CERS6: variants seen among roughly 807,000 people sequenced by gnomAD.
CERS6 encodes ceramide synthase 6, also known as LAG1 homolog, ceramide synthase 6.
In CERS6, 26 loss-of-function variants were observed where a neutral mutation model predicts 56.8. That is an observed-to-expected ratio of 0.46 (90% CI 0.34 to 0.63). The LOEUF (loss-of-function observed/expected upper bound fraction) is 0.63. Ranked by LOEUF, CERS6 falls within the 30% of genes least tolerant of loss-of-function variation. The pLI is 0.01. For synonymous variants in CERS6, 164 were observed against 173.3 expected (o/e 0.95, Z 0.42); for missense variants, 415 against 467.5 (o/e 0.89, Z 1.04).
intron 1 of CERS6, among the ~76,000 whole-genome samples, chr2:168,527,047 A>G (rs1695084375): frequency 6.6e-6 from 1 of 152,188 alleles, no homozygotes; most frequent in Non-Finnish European, 1.5e-5. Context: ...CTCTAAAACC[A>G]TGTTTCTCCT....
rs912387458 is a variant in CERS6 at position 168,456,656 on chromosome 2, G to T, written c.170+38G>T. The T allele has an allele frequency of 3.1e-6, 5 of 1,588,570 alleles. No individual in the cohort carries two copies. The African/African-American group carries it at 6.8e-5, about 22-fold the overall frequency. ...GAAGCCCCTCCTCCCCTCCCCCTGC[G>T]CACACACACGCGCGCACACACTCGC... On this transcript the variant is annotated intron_variant, in intron 1 of 9. Transcript: ENST00000305747. The surrounding 1 kb of genome is among the most constrained non-coding windows in gnomAD (Gnocchi z 4.1).
intron 3 of CERS6, among the ~76,000 whole-genome samples, chr2:168,582,200 C>T (rs552741909): frequency 6.6e-5 from 10 of 152,250 alleles, no homozygotes; most frequent in African/African-American, 2.4e-4. Flanking sequence ...ATCTTGGGGT[C>T]CCAGCTTAAT....
intron 6 of CERS6, among the ~76,000 whole-genome samples, chr2:168,708,344 C>G (rs529102506): frequency 3.3e-5 from 5 of 152,138 alleles, no homozygotes; most frequent in African/African-American, 1.2e-4. Context: ...AGAAAAATCA[C>G]AAGAGAGAAA....
intron 4 of CERS6, among the ~76,000 whole-genome samples, chr2:168,641,306 C>G (rs1045844264): frequency 2.0e-5 from 3 of 152,006 alleles, no homozygotes; most frequent in African/African-American, 7.3e-5. Context: ...ATCAGTTTAA[C>G]CGATTTGTTC....
chr2:168,602,191 A>C (rs1392644030), intron 3 of CERS6, among the ~76,000 whole-genome samples: 1 of 152,208 alleles, frequency 6.6e-6, no homozygotes, highest in Non-Finnish European at 1.5e-5. Flanking sequence ...TCTCTCTTTT[A>C]GAAGATGTAA....
chr2:168,543,449 TTATG>T (rs1318968824), intron 1 of CERS6, among the ~76,000 whole-genome samples: 2 of 151,386 alleles, frequency 1.3e-5, no homozygotes, highest in African/African-American at 4.9e-5. Context: ...GTGAACTTAT[TTATG>T]TTAGAACTGG....
At position 168,621,968 on chromosome 2, in the gene CERS6, G is replaced by A. The variant is rs114268452; in HGVS notation, c.408-9017G>A. On this transcript the variant is annotated intron_variant, in intron 3 of 9. Transcript: ENST00000305747. ...TCTAAGTATGAGAGAAGGCAAAGAC[G>A]TAGTCATTTAATACATTCTGAGTGA... 2.7e-3 allele frequency among the ~76,000 whole-genome samples: 408 copies of A among 152,302 alleles called. 3 individuals carry two copies. Among genetic ancestry groups the A allele is most frequent in the African/African-American group, 8.5e-3 (353 of 41,560 alleles).
intron 4 of CERS6, among the ~76,000 whole-genome samples, chr2:168,642,248 G>A (rs1190235970): frequency 5.3e-5 from 8 of 152,000 alleles, no homozygotes; most frequent in Admixed American, 2.6e-4. Context: ...TGGCTGAGGC[G>A]GGCAGGTCTA....
At chr2:168,680,976 C>T (rs139901306) in intron 4 of CERS6, among the ~76,000 whole-genome samples, 12 of 152,276 alleles carry the variant, frequency 7.9e-5, no homozygotes, top group Non-Finnish European at 1.5e-4. Flanking sequence ...TTTGGTTACC[C>T]AGGAGATGCT....
At chr2:168,507,619 C>G (rs1349748419) in intron 1 of CERS6, among the ~76,000 whole-genome samples, 1 of 152,136 alleles carries the variant, frequency 6.6e-6, no homozygotes, top group East Asian at 1.9e-4. Context: ...CTGTTTCCCT[C>G]TGTGTAATTG....
At chr2:168,746,191 C>A (rs1344287194) in intron 8 of CERS6, among the ~76,000 whole-genome samples, 1 of 152,106 alleles carries the variant, frequency 6.6e-6, no homozygotes, top group Non-Finnish European at 1.5e-5. Flanking sequence ...CATGGAGGCC[C>A]CACCCAGCAC....
At chr2:168,668,875 AT>A (rs1053923648) in intron 4 of CERS6, among the ~76,000 whole-genome samples, 6 of 152,206 alleles carry the variant, frequency 3.9e-5, no homozygotes, top group South Asian at 2.1e-4. Context: ...ATGTTATTAG[AT>A]TTTTTTTATA....
chr2:168,559,360 C>T (rs1695743001), intron 2 of CERS6, among the ~76,000 whole-genome samples: 1 of 152,086 alleles, frequency 6.6e-6, no homozygotes, highest in Admixed American at 6.6e-5. Context: ...AACTGGGTGG[C>T]TTAAACAACA....
intron 1 of CERS6, among the ~76,000 whole-genome samples, chr2:168,490,271 G>T (rs1207833366): frequency 6.6e-6 from 1 of 152,034 alleles, no homozygotes; most frequent in Non-Finnish European, 1.5e-5. Context: ...CTTTCTCTCC[G>T]TGATTCCCCC....
At chr2:168,695,323 T>A (rs1343159949) in intron 6 of CERS6, among the ~76,000 whole-genome samples, 1 of 152,160 alleles carries the variant, frequency 6.6e-6, no homozygotes, top group Non-Finnish European at 1.5e-5. Flanking sequence ...TTTCTCTCAA[T>A]CTAATTCCCA....
intron 8 of CERS6, among the ~76,000 whole-genome samples, chr2:168,736,105 A>G (rs1289527752): frequency 6.6e-6 from 1 of 151,984 alleles, no homozygotes; most frequent in Non-Finnish European, 1.5e-5. Flanking sequence ...GTATTAATTT[A>G]CTCTTAGTAA....
chr2:168,763,134 C>G lies in CERS6; in HGVS notation c.846-2458C>G, dbSNP rs370696243. On this transcript the variant is annotated intron_variant, in intron 8 of 9. Transcript: ENST00000305747. ...CAAGCAATCCTCCTACCTCAGCCCC[C>G]CCAAAGTGCTGGGATTACAGGAGTG... 4.6e-5 allele frequency among the ~76,000 whole-genome samples: 7 copies of G among 152,302 alleles called. No individual in the cohort carries two copies. In the East Asian group the frequency reaches 9.6e-4, roughly 21 times the overall value.
intron 3 of CERS6, among the ~76,000 whole-genome samples, chr2:168,605,111 T>C (rs566452576): frequency 6.6e-6 from 1 of 152,306 alleles, no homozygotes; most frequent in South Asian, 2.1e-4. Context: ...GTGATCCAAA[T>C]GCTGATAGTG....
At chr2:168,460,815 A>G (rs1358595669) in intron 1 of CERS6, among the ~76,000 whole-genome samples, 1 of 152,188 alleles carries the variant, frequency 6.6e-6, no homozygotes, top group Non-Finnish European at 1.5e-5. Flanking sequence ...GGCTGACAGC[A>G]AAGTCTGGCT....
Sources: gnomAD v4.1 joint callset for allele counts (sites outside exome capture counted in the v4.1 genomes callset) on GRCh38, gnomAD v4.1.1 for gene constraint, Gnocchi (gnomAD v3.1) non-coding constraint, MANE v1.5 for transcripts, NCBI Gene and HGNC (gene_info 2026-07-23, HGNC 2026-07-21) for gene names.